RAD21: variants seen among roughly 807,000 people sequenced by gnomAD.
RAD21 encodes RAD21 cohesin complex component.
A neutral mutation model predicts 71.5 loss-of-function variants in RAD21; 18 were observed. The observed-to-expected ratio is 0.25, with a 90% confidence interval of 0.17 to 0.37. RAD21 has a LOEUF of 0.37. Among genes scored for constraint, RAD21 ranks in the 10% least tolerant of loss-of-function variants. RAD21 has a pLI of 1.00. For missense variants in RAD21, 493 were observed against 769.1 expected (o/e 0.64, Z 4.25); for synonymous variants, 248 against 254.0 (o/e 0.98, Z 0.22).
Position 116,856,254 on chromosome 8 carries a change from G to A in RAD21, c.849C>T (p.Pro283=), listed in dbSNP as rs369661655. The stretch of plus-strand genomic sequence containing the variant: ...CAGTCATGGTTGGCATTGGTTCAAC[G>A]GGATCCACTGAATCAGGACTATCAG... ...GGPDSPDSVD[P]VEPMPTMTDQ... is the part of the protein sequence containing the mutation. The change falls in exon 8 of 14, where the codon CCC becomes CCT. Residue 283 remains proline, a synonymous_variant. Transcript: ENST00000297338. 1.9e-5 allele frequency: 30 copies of A among 1,576,982 alleles called. No individual in the cohort carries two copies. The highest frequency in any genetic ancestry group is 1.6e-4 in the East Asian group (7 of 43,150).
Position 116,873,272 on chromosome 8 carries a change from A to T in RAD21, c.-33+1339T>A, listed in dbSNP as rs74555874. Among the ~76,000 whole-genome samples, 688 of 152,380 alleles carry T rather than the reference A, an allele frequency of 4.5e-3. 9 individuals carry two copies. The highest frequency in any genetic ancestry group is 0.016 in the African/African-American group (662 of 41,598). On this transcript the variant is annotated intron_variant, in intron 1 of 13. Transcript: ENST00000297338. ...TTTGTAATTCTGACTTGTGTATAAA[A>T]AAAAGCACTATGTCTATTAGTTATG... is the stretch of plus-strand genomic sequence containing the variant.
intron 3 of RAD21, 94 bp from the exon 4 acceptor site, chr8:116,862,034 T>G: frequency 1.1e-6 from 1 of 946,594 alleles, no homozygotes; most frequent in Non-Finnish European, 1.7e-6. Flanking sequence ...TAAGTTTATA[T>G]TCTCATAGAA....
At chr8:116,854,494 CA>C (rs762219753) in intron 8 of RAD21, 26 bp from the exon 9 acceptor site, 21 of 1,573,476 alleles carry the variant, frequency 1.3e-5, no homozygotes, top group Middle Eastern at 3.4e-4. Context: ...AAAATAAGAT[CA>C]TTTTCCTGAG....
At chr8:116,861,129 A>C (rs1186554349) in intron 4 of RAD21, among the ~76,000 whole-genome samples, 1 of 152,130 alleles carries the variant, frequency 6.6e-6, no homozygotes, top group Non-Finnish European at 1.5e-5. Flanking sequence ...ACACACATGC[A>C]GTAACAAAAT....
At chr8:116,868,731 T>C (rs932980248) in intron 1 of RAD21, among the ~76,000 whole-genome samples, 5 of 152,072 alleles carry the variant, frequency 3.3e-5, no homozygotes, top group Non-Finnish European at 5.9e-5. Flanking sequence ...ATACTCAAGA[T>C]TGGTATTAGC....
intron 2 of RAD21, among the ~76,000 whole-genome samples, chr8:116,864,221 A>C (rs1263912437): frequency 6.6e-6 from 1 of 152,158 alleles, no homozygotes; most frequent in Non-Finnish European, 1.5e-5. Context: ...AATTTACTGA[A>C]AGAACAAGGC....
chr8:116,858,786 C>T (rs986443686), intron 4 of RAD21, among the ~76,000 whole-genome samples: 17 of 152,030 alleles, frequency 1.1e-4, no homozygotes, highest in African/African-American at 3.6e-4. Flanking sequence ...AACTTACAGG[C>T]GGTGTAAACT....
rs1812248594 is a variant in RAD21, at chr8:116,846,104, T to C, written c.*1396A>G. On this transcript the variant is annotated 3_prime_UTR_variant, in exon 14 of 14. Transcript: ENST00000297338. ...CATTCAATTATCTACAATGTCTTTT[T>C]ACAAACGGGGAAAACTCCTTGGTTT... is the stretch of plus-strand genomic sequence containing the variant. 4.3e-6 allele frequency: 1 copy of C among 231,110 alleles called. No homozygotes were observed. The highest frequency in any genetic ancestry group is 2.2e-5 in the African/African-American group (1 of 45,226). 14.3% of individuals were successfully genotyped at this position (231,110 alleles called of 1,614,324 possible). A position where few individuals can be genotyped will look rare whatever the true frequency, so the allele number is the denominator to read the frequency against.
Position 116,850,769 on chromosome 8 carries a change from T to G in RAD21, c.1471-2A>C, listed in dbSNP as rs1488604842. 1 of 1,563,394 alleles carries G rather than the reference T, an allele frequency of 6.4e-7. No individual in the cohort carries two copies. The highest frequency in any genetic ancestry group is 1.1e-5 in the South Asian group (1 of 89,592). Reference sequence around the variant, plus strand: ...TTCCATCTGCTCTACCTGCTGAGGCTTAAAGCAATACAAATAAGACAATTT... The same window carrying G: ...TTCCATCTGCTCTACCTGCTGAGGCGTAAAGCAATACAAATAAGACAATTT... On this transcript the variant is annotated splice_acceptor_variant, in intron 11 of 13. Transcript: ENST00000297338. LOFTEE classifies it high-confidence loss of function.
At chr8:116,853,956 A>T (rs966668911) in intron 9 of RAD21, among the ~76,000 whole-genome samples, 6 of 152,214 alleles carry the variant, frequency 3.9e-5, no homozygotes, top group African/African-American at 1.2e-4. Flanking sequence ...TGTAAAACAC[A>T]CTAAGACGAT....
chr8:116,858,449 A>G lies in RAD21; in HGVS notation c.384T>C (p.Asp128=). 2 of 1,610,978 alleles carry G rather than the reference A, an allele frequency of 1.2e-6. No individual in the cohort carries two copies. Among genetic ancestry groups the G allele is most frequent in the Non-Finnish European group, 1.7e-6 (2 of 1,178,274 alleles). Residue 128 remains aspartate (D), a synonymous_variant, in exon 5 of 14, where the codon GAT becomes GAC. Transcript: ENST00000297338. ...GATTCAAGCTGAACTGCTGGGCCAC[A>G]TCGATGTCACTTTAAAAGAAGGTCA... ...DQPLPDLDDI[D]VAQQFSLNQS...
intron 4 of RAD21, among the ~76,000 whole-genome samples, chr8:116,858,967 C>A (rs1812527842): frequency 6.6e-6 from 1 of 151,744 alleles, no homozygotes; most frequent in African/African-American, 2.4e-5. Flanking sequence ...CTGACCAAGT[C>A]TGTACAAAAA....
chr8:116,871,306 C>T (rs1224775364), intron 1 of RAD21, among the ~76,000 whole-genome samples: 1 of 152,140 alleles, frequency 6.6e-6, no homozygotes, highest in East Asian at 1.9e-4. Context: ...TACCAGAGCA[C>T]AACTTAGCAT....
intron 4 of RAD21, among the ~76,000 whole-genome samples, chr8:116,859,039 CATAAGCTAT>C (rs904356667): frequency 6.8e-6 from 1 of 147,480 alleles, no homozygotes; most frequent in Admixed American, 6.8e-5. Flanking sequence ...TCAGGAGACC[CATAAGCTAT>C]ATCAACCAGA....
At chr8:116,869,827 T>G (rs899384923) in intron 1 of RAD21, among the ~76,000 whole-genome samples, 4 of 152,224 alleles carry the variant, frequency 2.6e-5, no homozygotes, top group African/African-American at 9.6e-5. Context: ...TCTCTTGAAT[T>G]AGCTTTTCTC....
intron 4 of RAD21, among the ~76,000 whole-genome samples, chr8:116,859,479 G>C (rs1812542005): frequency 6.6e-6 from 1 of 152,070 alleles, no homozygotes; most frequent in Non-Finnish European, 1.5e-5. Flanking sequence ...GGCCTCAAGT[G>C]ATTCTCCCAC....
intron 2 of RAD21, among the ~76,000 whole-genome samples, chr8:116,865,348 G>A (rs1563693473): frequency 6.6e-6 from 1 of 152,004 alleles, no homozygotes; most frequent in Non-Finnish European, 1.5e-5. Flanking sequence ...ATTTGCTTAC[G>A]GATGTTAAAG....
chr8:116,870,364 T>G (rs1812793901), intron 1 of RAD21, among the ~76,000 whole-genome samples: 1 of 152,170 alleles, frequency 6.6e-6, no homozygotes, highest in South Asian at 2.1e-4. Flanking sequence ...CCGTGTTTAT[T>G]TTTTAAAAAA....
Position 116,848,761 on chromosome 8 carries a change from T to TTAA in RAD21, c.1704+184_1704+185insTTA, listed in dbSNP as rs568460865. On this transcript the variant is annotated intron_variant, in intron 13 of 13. Transcript: ENST00000297338. ...TATTTAATTAAAACTTAAACTATAA[T>TTAA]AAAAAAAAAAAAGAAAAGAAAACTC... The TTAA allele has an allele frequency of 1.1e-3, 413 of 362,700 alleles. 4 individuals are homozygous for TTAA. The highest frequency in any genetic ancestry group is 8.7e-3 in the African/African-American group (381 of 43,988). The allele number at this position is 362,700 out of a possible 1,614,324, so 22.5% of individuals were successfully genotyped here. A position where few individuals can be genotyped will look rare whatever the true frequency, so the allele number is the denominator to read the frequency against.
Sources: allele counts gnomAD v4.1 joint callset (sites outside exome capture counted in the v4.1 genomes callset), GRCh38; gene constraint gnomAD v4.1.1; transcripts MANE v1.5; gene names NCBI Gene and HGNC (gene_info 2026-07-23, HGNC 2026-07-21).